The following SACS variants were observed in gnomAD, a reference collection of about 807,000 sequenced individuals.
SACS encodes sacsin.
SACS carries 197 observed loss-of-function variants against 348.0 expected under a neutral mutation model. That is an observed-to-expected ratio of 0.57 (90% CI 0.50 to 0.64). The LOEUF (loss-of-function observed/expected upper bound fraction) is 0.64, where lower values mean the gene tolerates loss of function less well. SACS is among the 30% of genes least tolerant of loss of function. SACS has a pLI of 0.00. For synonymous variants in SACS, 1,985 were observed against 1,910.6 expected (o/e 1.04, Z -1.02); for missense variants, 4,999 against 5,360.8 (o/e 0.93, Z 2.11).
chr13:23,364,727 T>C (rs960129444), intron 6 of SACS, among the ~76,000 whole-genome samples: 6 of 152,232 alleles, frequency 3.9e-5, no homozygotes, highest in Non-Finnish European at 5.9e-5. Context: ...CCTTTCATTT[T>C]CCTTGTTCTC....
rs76194641 is a variant in SACS, at chr13:23,341,298, G to A, written c.2578C>T (p.Gln860Ter). 2 of 1,608,702 alleles carry A rather than the reference G, an allele frequency of 1.2e-6. No individual in the cohort carries two copies. Among genetic ancestry groups the A allele is most frequent in the Non-Finnish European group, 1.7e-6 (2 of 1,176,872 alleles). The stretch of plus-strand genomic sequence containing the variant: ...ATATATTTTTTAATAAGCGGATGTT[G>A]TATAGATGCATCTAATTTTTTAAGG... Reference protein sequence around the residue: ...FVLKKLDASIQHPLIKKYIHS... With the variant: ...FVLKKLDASI The change falls in exon 10 of 10, where the codon CAA (glutamine) becomes TAA (stop). Residue 860 changes from glutamine to a stop codon, truncating the protein, a stop_gained. Transcript: ENST00000382292. LOFTEE classifies it high-confidence loss of function.
chr13:23,344,975 T>C (rs1222854660), intron 9 of SACS, among the ~76,000 whole-genome samples: 2 of 152,232 alleles, frequency 1.3e-5, no homozygotes, highest in African/African-American at 4.8e-5. Context: ...AAATATTATA[T>C]ATAGTCTACT....
At chr13:23,432,958 CGAGA>C (rs1162064372) in intron 1 of SACS, among the ~76,000 whole-genome samples, 1 of 152,036 alleles carries the variant, frequency 6.6e-6, no homozygotes, top group Non-Finnish European at 1.5e-5. Flanking sequence ...AAAAAGACAG[CGAGA>C]GAGAGGTTTT....
Position 23,341,709 on chromosome 13 carries a change from A to C in SACS, c.2186-19T>G, listed in dbSNP as rs764519236. 1 of 1,603,830 alleles carries C rather than the reference A, an allele frequency of 6.2e-7. No homozygotes were observed. Among genetic ancestry groups the C allele is most frequent in the Admixed American group, 1.7e-5 (1 of 59,990 alleles). On this transcript the variant is annotated intron_variant, in intron 9 of 9. Transcript: ENST00000382292. The stretch of plus-strand genomic sequence containing the variant: ...GGTCTTCCTGTAAATCATACACAGA[A>C]ATGTCATAAATACATATAATTCTAC...
In SACS at chr13:23,421,269, G is replaced by A. The variant is rs539378108; in HGVS notation, c.-501-9529C>T. On this transcript the variant is annotated intron_variant, in intron 1 of 9. Coordinates refer to ENST00000382292, the MANE Select transcript of SACS (RefSeq NM_014363.6). ...AGGTGTAGATATCCACCTGGGTCCT[G>A]GATGTCCAGCTGGGGCCAGATGTCC... 2.0e-5 allele frequency among the ~76,000 whole-genome samples: 3 copies of A among 151,818 alleles called. No homozygotes were observed. In the East Asian group the frequency reaches 5.8e-4, roughly 29 times the overall value.
intron 2 of SACS, among the ~76,000 whole-genome samples, chr13:23,394,773 T>C (rs1033965384): frequency 6.6e-6 from 1 of 152,178 alleles, no homozygotes; most frequent in Non-Finnish European, 1.5e-5. Context: ...GAGAATCACC[T>C]GAACCCGGGA....
rs558138096 is a variant in SACS, at chr13:23,363,708, C to A, written c.457+1458G>T. 2.6e-5 allele frequency among the ~76,000 whole-genome samples: 4 copies of A among 152,308 alleles called. No individual in the cohort carries two copies. The East Asian group carries it at 7.7e-4, about 29-fold the overall frequency. On this transcript the variant is annotated intron_variant, in intron 6 of 9. Coordinates refer to ENST00000382292, the MANE Select transcript of SACS (RefSeq NM_014363.6). ...GCAGTTCCACAGCACATACCGTCATCAGTATGATACCAGGTATAAAACATT... is the reference window on the plus strand; with the variant it reads ...GCAGTTCCACAGCACATACCGTCATAAGTATGATACCAGGTATAAAACATT...
chr13:23,375,478 G>A, intron 2 of SACS: 1 of 1,158,132 alleles, frequency 8.6e-7, no homozygotes, highest in East Asian at 4.1e-5. Context: ...GCATGGCGCA[G>A]TCCCGTACGC....
Position 23,365,234 on chromosome 13 carries a change from T to G in SACS, c.389A>C (p.Lys130Thr). The change falls in exon 6 of 10, where the codon AAA (lysine) becomes ACA (threonine). Residue 130 changes from lysine (K) to threonine (T), a missense_variant. By Grantham distance (78) the Lys-to-Thr change is moderately conservative. Coordinates refer to ENST00000382292, the MANE Select transcript of SACS (RefSeq NM_014363.6). ...NAEDAGATEVKFLYDETQYGT... is the reference protein window; with the variant it reads ...NAEDAGATEVTFLYDETQYGT... ...GTATTGAGTTTCATCATATAAAAATTTAACTTCTGTCGCCCCAGCATCTTC... is the reference window on the plus strand; with the variant it reads ...GTATTGAGTTTCATCATATAAAAATGTAACTTCTGTCGCCCCAGCATCTTC... 6.2e-7 allele frequency: 1 copy of G among 1,612,434 alleles called. No homozygotes were observed. The highest frequency in any genetic ancestry group is 8.5e-7 in the Non-Finnish European group (1 of 1,179,564).
At chr13:23,364,629 C>G (rs115804936) in intron 6 of SACS, among the ~76,000 whole-genome samples, 105 of 152,264 alleles carry the variant, frequency 6.9e-4, no homozygotes, top group African/African-American at 2.4e-3. Flanking sequence ...CAAAGCTCCC[C>G]GGAGTAGAAG....
intron 1 of SACS, among the ~76,000 whole-genome samples, chr13:23,430,883 T>C (rs971312751): frequency 6.6e-6 from 1 of 152,158 alleles, no homozygotes; most frequent in African/African-American, 2.4e-5. Context: ...AGAACCAACG[T>C]GTCACCTTGG....
In SACS at chr13:23,360,395, A is replaced by T. The variant is rs1406306603; in HGVS notation, c.458-1914T>A. Among the ~76,000 whole-genome samples, 5 of 152,028 alleles carry T rather than the reference A, an allele frequency of 3.3e-5. No homozygotes were observed. The East Asian group carries it at 9.6e-4, about 29-fold the overall frequency. ...TAAAAGTATCTACAAAGACAAAAAA[A>T]AAAAAAAAAGGACCACAAAAAGTCA... On this transcript the variant is annotated intron_variant, in intron 6 of 9. Transcript: ENST00000382292.
rs1870177936 is a variant in SACS, at chr13:23,354,404, C to T, written c.2093+115G>A. The T allele has an allele frequency of 3.5e-6, 3 of 856,594 alleles. No individual in the cohort carries two copies. In the South Asian group the frequency reaches 4.4e-5, roughly 13 times the overall value. The allele number at this position is 856,594 out of a possible 1,614,324, so 53.1% of individuals were successfully genotyped here. On this transcript the variant is annotated intron_variant, in intron 8 of 9. Transcript: ENST00000382292. ...ACAATGTATTTCTGCAAAAGTCTTC[C>T]TAACTATAAAATCGACATAGAAAAC...
At position 23,354,908 on chromosome 13, in the gene SACS, G is replaced by A; in HGVS notation, c.1704C>T (p.Asp568=). Residue 568 remains aspartate (D), a synonymous_variant, in exon 8 of 10, where the codon GAC becomes GAT. Coordinates refer to ENST00000382292, the MANE Select transcript of SACS (RefSeq NM_014363.6). ...QNAVIYSISC[D]WVRLEQVYFS... ...AGTACACCTGCTCCAACCTGACCCA[G>A]TCACAGCTAATTGAATAAATCACTG... The A allele has an allele frequency of 1.2e-6, 2 of 1,614,240 alleles. No homozygotes were observed. The highest frequency in any genetic ancestry group is 1.3e-5 in the African/African-American group (1 of 75,056).
At chr13:23,412,685 G>C (rs949684902) in intron 1 of SACS, among the ~76,000 whole-genome samples, 6 of 151,972 alleles carry the variant, frequency 3.9e-5, no homozygotes, top group African/African-American at 1.4e-4. Context: ...CAAACTGCTG[G>C]GATTACAGGT....
At chr13:23,414,228 C>A (rs570008172) in intron 1 of SACS, among the ~76,000 whole-genome samples, 6 of 152,158 alleles carry the variant, frequency 3.9e-5, no homozygotes, top group Non-Finnish European at 7.4e-5. Flanking sequence ...GGTGTGAACC[C>A]GGAAGGCGGA....
intron 2 of SACS, among the ~76,000 whole-genome samples, chr13:23,404,877 G>A (rs1873135302): frequency 6.6e-6 from 1 of 152,074 alleles, no homozygotes; most frequent in South Asian, 2.1e-4. Flanking sequence ...TTTTCAAGGA[G>A]GACTACAAAC....
chr13:23,378,052 G>T (rs1047498700), intron 2 of SACS, among the ~76,000 whole-genome samples: 2 of 152,200 alleles, frequency 1.3e-5, no homozygotes, highest in Admixed American at 1.3e-4. Context: ...GGGAAATGAG[G>T]TCATGTTTCT....
At chr13:23,430,655 G>A (rs1283348309) in intron 1 of SACS, among the ~76,000 whole-genome samples, 3 of 152,126 alleles carry the variant, frequency 2.0e-5, no homozygotes, top group African/African-American at 7.2e-5. Flanking sequence ...AATGAGGTAA[G>A]GATTTAAATG....
Sources: gnomAD v4.1 joint callset for allele counts (sites outside exome capture counted in the v4.1 genomes callset) on GRCh38, gnomAD v4.1.1 for gene constraint, MANE v1.5 for transcripts, NCBI Gene and HGNC (gene_info 2026-07-23, HGNC 2026-07-21) for gene names.